The following HPCAL1 variants were observed in gnomAD, a reference collection of about 807,000 sequenced individuals.
HPCAL1 encodes hippocalcin like 1.
A neutral mutation model predicts 17.1 loss-of-function variants in HPCAL1; 8 were observed. The observed-to-expected ratio is 0.47, with a 90% CI of 0.27 to 0.84. The LOEUF (loss-of-function observed/expected upper bound fraction) is 0.84. Among genes scored for constraint, HPCAL1 ranks in the 40% least tolerant of loss-of-function variants. The pLI, the probability that HPCAL1 is intolerant of heterozygous loss-of-function variation, is 0.13. For synonymous variants in HPCAL1, 112 were observed against 111.4 expected, an observed-to-expected ratio of 1.01 and a Z score of -0.03; for missense variants, 165 against 271.1, an observed-to-expected ratio of 0.61 and a Z score of 2.75.
intron 1 of HPCAL1, among the ~76,000 whole-genome samples, chr2:10,373,067 C>T (rs1394538067): frequency 6.6e-6 from 1 of 152,264 alleles, no homozygotes; most frequent in Admixed American, 6.5e-5. Context: ...GAGGCTCAGC[C>T]ACACGGCTGT....
intron 1 of HPCAL1, among the ~76,000 whole-genome samples, chr2:10,337,539 T>A (rs1350954973): frequency 6.6e-6 from 1 of 152,096 alleles, no homozygotes; most frequent in African/African-American, 2.4e-5. Flanking sequence ...TTTCCACGTT[T>A]TATTTACTTC....
intron 4 of HPCAL1, chr2:10,423,309 G>A (rs1249666046): frequency 1.8e-6 from 1 of 560,266 alleles, no homozygotes; most frequent in East Asian, 3.1e-5. Context: ...TGCTGGGCAT[G>A]TTGTGGCCTC....
rs184613336 is a variant in HPCAL1 at position 10,410,941 on chromosome 2, G to A, written c.-24-8793G>A. ...GCATGCAGCATTCCCCCCGCCCCCCGTTTCTTGTGAGGCAGCCTGCGTCGG... is the reference window on the plus strand; with the variant it reads ...GCATGCAGCATTCCCCCCGCCCCCCATTTCTTGTGAGGCAGCCTGCGTCGG... On this transcript the variant is annotated intron_variant, in intron 2 of 4. Coordinates refer to ENST00000307845, the MANE Select transcript of HPCAL1 (RefSeq NM_002149.4). Among the ~76,000 whole-genome samples the A allele has an allele frequency of 2.6e-5, 4 of 151,236 alleles. No individual in the cohort carries two copies. In the East Asian group the frequency reaches 5.9e-4, roughly 22 times the overall value.
intron 2 of HPCAL1, among the ~76,000 whole-genome samples, chr2:10,399,208 G>GCACCAC (rs113515977): frequency 5.9e-4 from 3 of 5,108 alleles, no homozygotes; most frequent in African/African-American, 1.3e-3. Context: ...TAATATCACT[G>GCACCAC]CACCACCACC....
intron 2 of HPCAL1, among the ~76,000 whole-genome samples, chr2:10,418,708 G>C (rs1670838527): frequency 6.6e-6 from 1 of 152,158 alleles, no homozygotes; most frequent in Non-Finnish European, 1.5e-5. Flanking sequence ...AATAACATGA[G>C]GTGGTGCAGT....
At chr2:10,397,392 T>C (rs1322304574) in intron 2 of HPCAL1, among the ~76,000 whole-genome samples, 1 of 152,104 alleles carries the variant, frequency 6.6e-6, no homozygotes. Flanking sequence ...CTCAGCCCTC[T>C]GGACCCCCAC....
At chr2:10,412,311 C>T (rs943951678) in intron 2 of HPCAL1, among the ~76,000 whole-genome samples, 2 of 152,258 alleles carry the variant, frequency 1.3e-5, no homozygotes, top group Non-Finnish European at 2.9e-5. Context: ...ACCAGTTACA[C>T]ACCATCCTTA....
At chr2:10,392,879 A>T (rs1163081780) in intron 1 of HPCAL1, among the ~76,000 whole-genome samples, 1 of 152,204 alleles carries the variant, frequency 6.6e-6, no homozygotes, top group Non-Finnish European at 1.5e-5. Flanking sequence ...GGGCCCCAGG[A>T]AAAGCGTGTG....
chr2:10,386,175 A>G (rs1040830926), intron 1 of HPCAL1, among the ~76,000 whole-genome samples: 4 of 152,172 alleles, frequency 2.6e-5, no homozygotes, highest in Non-Finnish European at 4.4e-5. Context: ...CGGTTTAGAC[A>G]TGTGCCTTCC....
At chr2:10,305,402 C>T (rs1324282733) in intron 1 of HPCAL1, among the ~76,000 whole-genome samples, 3 of 152,192 alleles carry the variant, frequency 2.0e-5, no homozygotes, top group African/African-American at 7.2e-5. Flanking sequence ...CCTGTAATTA[C>T]TGAGCTCTTG....
chr2:10,398,668 C>T (rs557585612), intron 2 of HPCAL1, among the ~76,000 whole-genome samples: 1 of 152,216 alleles, frequency 6.6e-6, no homozygotes, highest in East Asian at 1.9e-4. Flanking sequence ...GCTCCCCACC[C>T]TCTGCCCGTC....
intron 1 of HPCAL1, among the ~76,000 whole-genome samples, chr2:10,347,712 G>A (rs759477807): frequency 3.3e-5 from 5 of 152,154 alleles, no homozygotes; most frequent in Non-Finnish European, 7.3e-5. Flanking sequence ...GGGCGGGGTT[G>A]GGCATTTTCT....
chr2:10,412,215 C>A (rs921989825), intron 2 of HPCAL1, among the ~76,000 whole-genome samples: 2 of 152,180 alleles, frequency 1.3e-5, no homozygotes, highest in Non-Finnish European at 2.9e-5. Context: ...CTTTCTCAGC[C>A]GGGGTTCCAG....
intron 1 of HPCAL1, among the ~76,000 whole-genome samples, chr2:10,340,213 G>A (rs56261863): frequency 0.14 from 21,069 of 152,158 alleles, 1,598 homozygotes; most frequent in South Asian, 0.23. Context: ...CCAGCTGTGT[G>A]GCTTTGGAGA....
At chr2:10,415,918 C>T (rs1337109398) in intron 2 of HPCAL1, among the ~76,000 whole-genome samples, 1 of 152,216 alleles carries the variant, frequency 6.6e-6, no homozygotes, top group Non-Finnish European at 1.5e-5. Context: ...TCTTTGCTGA[C>T]TCAGTGGCCC....
At chr2:10,403,452 TTTTGTGTGTGTG>T (rs1449998951) in intron 2 of HPCAL1, among the ~76,000 whole-genome samples, 2,473 of 144,356 alleles carry the variant, frequency 0.017, 78 homozygotes, top group Middle Eastern at 0.039. Flanking sequence ...CAAAGAGTTC[TTTTGTGTGTGTG>T]TGTGTGTGTG....
chr2:10,402,412 G>C (rs1375966604), intron 2 of HPCAL1, among the ~76,000 whole-genome samples: 6 of 152,132 alleles, frequency 3.9e-5, no homozygotes, highest in Non-Finnish European at 1.5e-5. Flanking sequence ...CAGAATCTGT[G>C]GCCTCTGGTG....
intron 1 of HPCAL1, among the ~76,000 whole-genome samples, chr2:10,360,006 A>T (rs550211699): frequency 4.5e-4 from 69 of 152,048 alleles, no homozygotes; most frequent in African/African-American, 1.6e-3. Flanking sequence ...TCCTTCATTC[A>T]TTCTTCACTG....
chr2:10,338,719 C>T (rs958721262), intron 1 of HPCAL1, among the ~76,000 whole-genome samples: 5 of 152,146 alleles, frequency 3.3e-5, no homozygotes, highest in Admixed American at 2.6e-4. Flanking sequence ...GGGTGCAGGT[C>T]GGAGAGCTCA....
Sources: gnomAD v4.1 joint callset for allele counts (sites outside exome capture counted in the v4.1 genomes callset) on GRCh38, gnomAD v4.1.1 for gene constraint, MANE v1.5 for transcripts, NCBI Gene and HGNC (gene_info 2026-07-23, HGNC 2026-07-21) for gene names.